KRTAP16-1: variants seen among roughly 807,000 people sequenced by gnomAD.
KRTAP16-1 encodes keratin associated protein 16-1, also known as keratin-associated protein 16-1.
For missense variants in KRTAP16-1, 675 were observed against 657.7 expected (o/e 1.03, Z -0.29); for synonymous variants, 262 against 248.0 (o/e 1.06, Z -0.53).
rs543005741 is a variant in KRTAP16-1 at position 41,308,739 on chromosome 17, A to T, written c.515T>A (p.Val172Glu). ...TTGGCAGGAAGTGGCTTCAGAGCCT[A>T]CAGGCTGGCAGCAGCTGCTCACGGA... ...SCSVSSCCQP[V>E]GSEATSCQPV... is the part of the protein sequence containing the mutation. The change falls in exon 1 of 1, where the codon GTA becomes GAA. Residue 172 changes from valine (V) to glutamate (E), a missense_variant. Transcript: ENST00000391352. The T allele has an allele frequency of 1.3e-4, 199 of 1,550,690 alleles. No homozygotes were observed. The African/African-American group carries it at 2.6e-3, about 20-fold the overall frequency.
In KRTAP16-1 at chr17:41,308,773, G is replaced by C; in HGVS notation, c.481C>G (p.Pro161Ala). The C allele has an allele frequency of 2.6e-6, 4 of 1,550,666 alleles. No homozygotes were observed. Among genetic ancestry groups the C allele is most frequent in the Non-Finnish European group, 3.5e-6 (4 of 1,147,010 alleles). ...PVCCEPAICE[P>A]SCSVSSCCQP... ...CAGCAGCTGCTCACGGAGCAAGAAG[G>C]CTCACAAATAGCAGGCTCACAGCAC... Residue 161 changes from proline (P) to alanine (A), a missense_variant, in exon 1 of 1, where the codon CCT becomes GCT. Pro to Ala is a conservative substitution (Grantham distance 27). Coordinates refer to ENST00000391352, the MANE Select transcript of KRTAP16-1 (RefSeq NM_001146182.2).
rs1292653111 is a variant in KRTAP16-1 at position 41,308,377 on chromosome 17, A to T, written c.877T>A (p.Ser293Thr). 6.4e-7 allele frequency: 1 copy of T among 1,550,514 alleles called. No individual in the cohort carries two copies. The highest frequency in any genetic ancestry group is 8.7e-7 in the Non-Finnish European group (1 of 1,146,886). The change falls in exon 1 of 1, where the codon TCT becomes ACT. Residue 293 changes from serine (S) to threonine (T), a missense_variant. By Grantham distance (58) the Ser-to-Thr change is moderately conservative. Transcript: ENST00000391352. ...CCVQSSCEPP[S>T]VPSTCQEPSC... is the part of the protein sequence containing the mutation. ...GGCTCTTGGCAAGTGCTGGGGACAG[A>T]AGGTGGCTCGCACGAGCTCTGAACA...
rs1431061539 is a variant in KRTAP16-1, at chr17:41,307,819, AG to A, written c.1434del (p.Cys479AlafsTer?). 2 of 1,550,744 alleles carry A rather than the reference AG, an allele frequency of 1.3e-6. No individual in the cohort carries two copies. Among genetic ancestry groups the A allele is most frequent in the East Asian group, 2.4e-5 (1 of 40,920 alleles). ...SSQLDCVDTT[P>X]CKVDVSEEAP... ...GCCTCTTCTGAGACATCCACCTTGCAGGGGGTTGTGTCAACACAATCCAGTT... is the reference window on the plus strand; with the variant it reads ...GCCTCTTCTGAGACATCCACCTTGCAGGGGTTGTGTCAACACAATCCAGTT... On this transcript the variant is annotated frameshift_variant, in exon 1 of 1. Transcript: ENST00000391352. LOFTEE classifies it low-confidence loss of function (END_TRUNC).
At position 41,308,068 on chromosome 17, in the gene KRTAP16-1, C is replaced by A. The variant is rs772146775; in HGVS notation, c.1186G>T (p.Val396Phe). The A allele has an allele frequency of 3.5e-4, 549 of 1,550,516 alleles. 1 individual carries two copies. Among genetic ancestry groups the A allele is most frequent in the Non-Finnish European group, 4.4e-4 (501 of 1,147,004 alleles). Reference sequence around the variant, plus strand: ...ATTGGGCGGCAGATCGGACGGGAGACCGGGCGGTAGGAAATCGTAGCACTG... The same window carrying A: ...ATTGGGCGGCAGATCGGACGGGAGAACGGGCGGTAGGAAATCGTAGCACTG... Reference protein sequence around the residue: ...PCSATISYRPVSRPICRPICS... With the variant: ...PCSATISYRPFSRPICRPICS... The change falls in exon 1 of 1, where the codon GTC (valine) becomes TTC (phenylalanine). Residue 396 changes from valine (V) to phenylalanine (F), a missense_variant. By Grantham distance (50) the Val-to-Phe change is conservative. Transcript: ENST00000391352.
chr17:41,308,955 T>G lies in KRTAP16-1; in HGVS notation c.299A>C (p.Glu100Ala), dbSNP rs2016947554. 2 of 1,550,346 alleles carry G rather than the reference T, an allele frequency of 1.3e-6. No individual in the cohort carries two copies. Among genetic ancestry groups the G allele is most frequent in the South Asian group, 2.4e-5 (2 of 84,060 alleles). Residue 100 changes from glutamate (E) to alanine (A), a missense_variant, in exon 1 of 1, where the codon GAG becomes GCG. Physicochemically the swap from Glu to Ala is moderately radical, Grantham distance 107. Coordinates refer to ENST00000391352, the MANE Select transcript of KRTAP16-1 (RefSeq NM_001146182.2). ...GCAGTTGCTCACAGAGCAAGAAGGCTCACAGGTGGTGGCCTCACAGCACAC... is the reference window on the plus strand; with the variant it reads ...GCAGTTGCTCACAGAGCAAGAAGGCGCACAGGTGGTGGCCTCACAGCACAC... ...QPVCCEATTC[E>A]PSCSVSNCYQ...
chr17:41,307,843 G>A lies in KRTAP16-1; in HGVS notation c.1411C>T (p.Leu471=). 1.3e-6 allele frequency: 2 copies of A among 1,550,828 alleles called. No individual in the cohort carries two copies. Among genetic ancestry groups the A allele is most frequent in the South Asian group, 2.4e-5 (2 of 84,064 alleles). Reference sequence around the variant, plus strand: ...CAGGGGGTTGTGTCAACACAATCCAGTTGGCTGGAAGTGGATTTTTTGCAA... The same window carrying A: ...CAGGGGGTTGTGTCAACACAATCCAATTGGCTGGAAGTGGATTTTTTGCAA... ...RDCKKSTSSQ[L]DCVDTTPCKV... The change falls in exon 1 of 1, where the codon CTG becomes TTG. Residue 471 remains leucine, a synonymous_variant. Coordinates refer to ENST00000391352, the MANE Select transcript of KRTAP16-1 (RefSeq NM_001146182.2).
In KRTAP16-1 at chr17:41,308,588, C is replaced by G; in HGVS notation, c.666G>C (p.Val222=). 6.4e-7 allele frequency: 1 copy of G among 1,550,818 alleles called. No individual in the cohort carries two copies. Among genetic ancestry groups the G allele is most frequent in the African/African-American group, 1.4e-5 (1 of 73,136 alleles). ...GCTGACAGCAGGAAGGCTCACAGAC[C>G]ACAGGTTGGCAGGAACTAGGCAGGG... ...VCTLPSSCQP[V]VCEPSCCQPV... is the part of the protein sequence containing the mutation. The change falls in exon 1 of 1, where the codon GTG becomes GTC. Residue 222 remains valine, a synonymous_variant. Transcript: ENST00000391352.
chr17:41,308,368 TG>T lies in KRTAP16-1; in HGVS notation c.885del (p.Ser296AlafsTer40). 5 of 1,550,544 alleles carry T rather than the reference TG, an allele frequency of 3.2e-6. No homozygotes were observed. Among genetic ancestry groups the T allele is most frequent in the Non-Finnish European group, 4.4e-6 (5 of 1,146,958 alleles). ...CAACAAGAAGGCTCTTGGCAAGTGC[TG>T]GGGACAGAAGGTGGCTCGCACGAGC... is the stretch of plus-strand genomic sequence containing the variant. ...VQSSCEPPSV[P>X]STCQEPSCCV... On this transcript the variant is annotated frameshift_variant, in exon 1 of 1. Transcript: ENST00000391352. LOFTEE classifies it low-confidence loss of function (END_TRUNC).
At position 41,308,233 on chromosome 17, in the gene KRTAP16-1, A is replaced by G; in HGVS notation, c.1021T>C (p.Ser341Pro). The G allele has an allele frequency of 1.9e-6, 3 of 1,550,634 alleles. No individual in the cohort carries two copies. The South Asian group carries it at 3.6e-5, about 18-fold the overall frequency. The change falls in exon 1 of 1, where the codon TCT becomes CCT. Residue 341 changes from serine (S) to proline (P), a missense_variant. Coordinates refer to ENST00000391352, the MANE Select transcript of KRTAP16-1 (RefSeq NM_001146182.2). ...PTCYVVKRCP[S>P]VCPEPVSCPS... ...CAGGAAACTGGCTCAGGGCAGACAGAAGGACAGCGCTTGACTACATAGCAA... is the reference window on the plus strand; with the variant it reads ...CAGGAAACTGGCTCAGGGCAGACAGGAGGACAGCGCTTGACTACATAGCAA...
Position 41,308,930 on chromosome 17 carries a change from G to A in KRTAP16-1, c.324C>T (p.Cys108=), listed in dbSNP as rs1275667854. 6.5e-7 allele frequency: 1 copy of A among 1,550,296 alleles called. No homozygotes were observed. Among genetic ancestry groups the A allele is most frequent in the African/African-American group, 1.4e-5 (1 of 73,002 alleles). ...TCEPSCSVSN[C]YQPVCFEATI... ...TGGCCTCGAAGCACACAGGTTGGTAGCAGTTGCTCACAGAGCAAGAAGGCT... is the reference window on the plus strand; with the variant it reads ...TGGCCTCGAAGCACACAGGTTGGTAACAGTTGCTCACAGAGCAAGAAGGCT... The change falls in exon 1 of 1, where the codon TGC becomes TGT. Residue 108 remains cysteine (C), a synonymous_variant. Transcript: ENST00000391352.
chr17:41,309,000 ACGGAGCAAG>A lies in KRTAP16-1; in HGVS notation c.245_253del (p.Ser82_Val85delinsLeu). On this transcript the variant is annotated inframe_deletion, in exon 1 of 1. Transcript: ENST00000391352. ...GCACACGGGTTGGCAGCCGCTGCTC[ACGGAGCAAG>A]AAGGCTCACAAATGACAGGATCACA... is the stretch of plus-strand genomic sequence containing the variant. The A allele has an allele frequency of 1.3e-6, 2 of 1,550,676 alleles. No individual in the cohort carries two copies.
In KRTAP16-1 at chr17:41,308,996, G is replaced by T; in HGVS notation, c.258C>A (p.Ser86Arg). ...PVICEPSCSV[S>R]SGCQPVCCEA... ...CACAGCACACGGGTTGGCAGCCGCT[G>T]CTCACGGAGCAAGAAGGCTCACAAA... Residue 86 changes from serine (S) to arginine (R), a missense_variant, in exon 1 of 1, where the codon AGC becomes AGA. Ser to Arg is a moderately radical substitution (Grantham distance 110). Transcript: ENST00000391352. 6.4e-7 allele frequency: 1 copy of T among 1,550,658 alleles called. No homozygotes were observed. The highest frequency in any genetic ancestry group is 1.2e-5 in the South Asian group (1 of 84,058).
At position 41,308,750 on chromosome 17, in the gene KRTAP16-1, G is replaced by T. The variant is rs1318586921; in HGVS notation, c.504C>A (p.Cys168Ter). Residue 168 changes from cysteine (C) to a stop codon, truncating the protein, a stop_gained, in exon 1 of 1, where the codon TGC (cysteine) becomes TGA (stop). Transcript: ENST00000391352. LOFTEE classifies it low-confidence loss of function (END_TRUNC). ...ICEPSCSVSS[C>*]CQPVGSEATS... ...TGGCTTCAGAGCCTACAGGCTGGCA[G>T]CAGCTGCTCACGGAGCAAGAAGGCT... The T allele has an allele frequency of 3.2e-6, 5 of 1,550,572 alleles. No homozygotes were observed. The highest frequency in any genetic ancestry group is 4.4e-6 in the Non-Finnish European group (5 of 1,147,020).
chr17:41,308,676 A>G lies in KRTAP16-1; in HGVS notation c.578T>C (p.Leu193Pro). The change falls in exon 1 of 1, where the codon CTC becomes CCC. Residue 193 changes from leucine (L) to proline (P), a missense_variant. Physicochemically the swap from Leu to Pro is moderately conservative, Grantham distance 98. Transcript: ENST00000391352. ...LCVPTSCQPV[L>P]CKSSCCQPVV... ...TGGCTGGCAGCAGCTGGATTTGCAG[A>G]GGACAGGCTGGCAGGAAGTGGGCAC... 1.9e-6 allele frequency: 3 copies of G among 1,550,788 alleles called. No individual in the cohort carries two copies. Among genetic ancestry groups the G allele is most frequent in the Non-Finnish European group, 1.7e-6 (2 of 1,147,026 alleles).
chr17:41,308,705 G>A lies in KRTAP16-1; in HGVS notation c.549C>T (p.Leu183=). 1 of 1,550,726 alleles carries A rather than the reference G, an allele frequency of 6.4e-7. No homozygotes were observed. Among genetic ancestry groups the A allele is most frequent in the Middle Eastern group, 1.7e-4 (1 of 5,992 alleles). Residue 183 remains leucine, a synonymous_variant, in exon 1 of 1, where the codon CTC becomes CTT. Coordinates refer to ENST00000391352, the MANE Select transcript of KRTAP16-1 (RefSeq NM_001146182.2). ...GSEATSCQPV[L]CVPTSCQPVL... is the part of the protein sequence containing the mutation. ...CAGGCTGGCAGGAAGTGGGCACACA[G>A]AGGACTGGTTGGCAGGAAGTGGCTT...
rs1165945337 is a variant in KRTAP16-1, at chr17:41,309,237, G to A, written c.17C>T (p.Ser6Phe). Residue 6 changes from serine to phenylalanine, a missense_variant, in exon 1 of 1, where the codon TCT becomes TTT. By Grantham distance (155) the Ser-to-Phe change is radical. Transcript: ENST00000391352. MSGSC[S>F]SRKCFSVPAT... Reference sequence around the variant, plus strand: ...TGGCACGGAGAAGCATTTCCTAGAAGAGCAACTGCCAGACATGGTGGAGGT... The same window carrying A: ...TGGCACGGAGAAGCATTTCCTAGAAAAGCAACTGCCAGACATGGTGGAGGT... 3.9e-6 allele frequency: 6 copies of A among 1,531,148 alleles called. No individual in the cohort carries two copies. Among genetic ancestry groups the A allele is most frequent in the Non-Finnish European group, 4.4e-6 (5 of 1,135,040 alleles). 94.8% of individuals were successfully genotyped at this position (1,531,148 alleles called of 1,614,324 possible). A position where few individuals can be genotyped will look rare whatever the true frequency, so the allele number is the denominator to read the frequency against.
At position 41,308,255 on chromosome 17, in the gene KRTAP16-1, G is replaced by T. The variant is rs956003852; in HGVS notation, c.999C>A (p.Cys333Ter). Residue 333 changes from cysteine (C) to a stop codon, truncating the protein, a stop_gained, in exon 1 of 1, where the codon TGC becomes TGA. Transcript: ENST00000391352. LOFTEE classifies it low-confidence loss of function (END_TRUNC). Reference protein sequence around the residue: ...VCVSSPCQPTCYVVKRCPSVC... With the variant: ...VCVSSPCQPT ...CAGAAGGACAGCGCTTGACTACATA[G>T]CAAGTAGGTTGGCATGGACTGGACA... is the stretch of plus-strand genomic sequence containing the variant. 3.2e-6 allele frequency: 5 copies of T among 1,550,712 alleles called. No individual in the cohort carries two copies. In the South Asian group the frequency reaches 4.8e-5, roughly 15 times the overall value.
In KRTAP16-1 at chr17:41,308,130, C is replaced by A; in HGVS notation, c.1124G>T (p.Arg375Met). Residue 375 changes from arginine (R) to methionine (M), a missense_variant, in exon 1 of 1, where the codon AGG (arginine) becomes ATG (methionine). Coordinates refer to ENST00000391352, the MANE Select transcript of KRTAP16-1 (RefSeq NM_001146182.2). ...GCTGGAACTGGGTATGTAGAAAGTC[C>A]TAGGACAAGTTGGTCGGCAGATGGC... ...ASAICRPTCP[R>M]TFYIPSSSKR... 6.4e-7 allele frequency: 1 copy of A among 1,550,608 alleles called. No individual in the cohort carries two copies. Among genetic ancestry groups the A allele is most frequent in the Non-Finnish European group, 8.7e-7 (1 of 1,146,986 alleles).
At position 41,309,187 on chromosome 17, in the gene KRTAP16-1, C is replaced by G; in HGVS notation, c.67G>C (p.Val23Leu). ...VPATSLCSTE[V>L]SCGGPICLPS... is the part of the protein sequence containing the mutation. ...AGGCAGATGGGGCCTCCACAGCTCACCTCAGTGGAGCAGAGAGAGGTGGCT... is the reference window on the plus strand; with the variant it reads ...AGGCAGATGGGGCCTCCACAGCTCAGCTCAGTGGAGCAGAGAGAGGTGGCT... Residue 23 changes from valine to leucine, a missense_variant, in exon 1 of 1, where the codon GTG (valine) becomes CTG (leucine). Transcript: ENST00000391352. The G allele has an allele frequency of 6.5e-7, 1 of 1,550,142 alleles. No individual in the cohort carries two copies. The highest frequency in any genetic ancestry group is 1.2e-5 in the South Asian group (1 of 84,024).
Sources: gnomAD v4.1 joint callset for allele counts on GRCh38, gnomAD v4.1.1 for gene constraint, MANE v1.5 for transcripts, NCBI Gene and HGNC (gene_info 2026-07-23, HGNC 2026-07-21) for gene names.